TTC17: variants seen among roughly 807,000 people sequenced by gnomAD.
The protein encoded by TTC17 is tetratricopeptide repeat domain 17.
Under a neutral mutation model 143.8 loss-of-function variants are expected in TTC17, and 58 were observed. The ratio of observed to expected loss-of-function variants is 0.40; its 90% confidence interval spans 0.33 to 0.50. The LOEUF (loss-of-function observed/expected upper bound fraction) is 0.50. Ranked by LOEUF, TTC17 falls within the 20% of genes least tolerant of loss-of-function variation. The pLI is 0.49. For synonymous variants in TTC17, 501 were observed against 497.8 expected (o/e 1.01, Z -0.09); for missense variants, 1,273 against 1,392.5 (o/e 0.91, Z 1.37).
chr11:43,472,841 TA>T (rs140936007), intron 21 of TTC17, among the ~76,000 whole-genome samples: 2,276 of 114,982 alleles, frequency 0.02, 43 homozygotes, highest in African/African-American at 0.061. Flanking sequence ...GGAATTAAGC[TA>T]AAAAAAAAAA....
intron 1 of TTC17, 22 bp from the exon 2 acceptor site, chr11:43,379,211 T>G (rs750155527): frequency 6.2e-7 from 1 of 1,605,758 alleles, no homozygotes; most frequent in Admixed American, 1.7e-5. Flanking sequence ...CCGAGCTTTA[T>G]TTATTTATTG....
At chr11:43,369,978 A>G (rs1856499613) in intron 1 of TTC17, 3 of 423,920 alleles carry the variant, frequency 7.1e-6, no homozygotes, top group South Asian at 3.4e-5. Context: ...TAACAAATAT[A>G]TTTCCAAATC....
At chr11:43,384,322 T>A (rs1743857472) in intron 2 of TTC17, among the ~76,000 whole-genome samples, 1 of 152,196 alleles carries the variant, frequency 6.6e-6, no homozygotes, top group Non-Finnish European at 1.5e-5. Flanking sequence ...GGGCTATATA[T>A]GTATTTAGGA....
intron 10 of TTC17, among the ~76,000 whole-genome samples, chr11:43,403,152 G>A (rs1027243014): frequency 2.6e-5 from 4 of 152,140 alleles, no homozygotes; most frequent in Non-Finnish European, 5.9e-5. Context: ...AAGGGAAGAA[G>A]GGGGATGTTT....
intron 18 of TTC17, chr11:43,446,009 TTATGA>T (rs1203415938): frequency 2.0e-6 from 3 of 1,534,538 alleles, no homozygotes; most frequent in African/African-American, 2.7e-5. Context: ...ACAGAGCCTC[TTATGA>T]TATCCTTGTG....
At chr11:43,467,994 A>G (rs550437319) in intron 21 of TTC17, among the ~76,000 whole-genome samples, 2 of 152,286 alleles carry the variant, frequency 1.3e-5, no homozygotes, top group Admixed American at 6.5e-5. Flanking sequence ...GAAAGACATT[A>G]TTTCACAGAC....
chr11:43,454,038 A>G (rs1947715711), intron 21 of TTC17, among the ~76,000 whole-genome samples: 1 of 152,168 alleles, frequency 6.6e-6, no homozygotes, highest in African/African-American at 2.4e-5. Flanking sequence ...ACATTGTCAT[A>G]AAGTTGAAAA....
At chr11:43,370,210 A>C (rs1856509780) in intron 1 of TTC17, 9 of 386,268 alleles carry the variant, frequency 2.3e-5, no homozygotes, top group South Asian at 1.7e-4. Context: ...TGAAGAGATA[A>C]TTCCATGAGA....
At chr11:43,470,261 C>T (rs1177494147) in intron 21 of TTC17, among the ~76,000 whole-genome samples, 3 of 152,210 alleles carry the variant, frequency 2.0e-5, no homozygotes, top group Non-Finnish European at 2.9e-5. Context: ...TGAGCCCTCA[C>T]ATAGTTCGCA....
chr11:43,432,648 T>G (rs1947184350), intron 16 of TTC17, among the ~76,000 whole-genome samples: 1 of 152,210 alleles, frequency 6.6e-6, no homozygotes, highest in Non-Finnish European at 1.5e-5. Context: ...AAATAAGTCT[T>G]ATGCATAGAA....
At position 43,388,754 on chromosome 11, in the gene TTC17, G is replaced by A. The variant is rs1181190045; in HGVS notation, c.250-898G>A. On this transcript the variant is annotated intron_variant, in intron 2 of 23. Transcript: ENST00000039989. ...TCTGTGAGGCCAAGGCAGGTGGATT[G>A]CTTGCACTCAGGAGTTTGAGACCAG... 4.6e-5 allele frequency among the ~76,000 whole-genome samples: 7 copies of A among 151,366 alleles called. No homozygotes were observed. In the East Asian group the frequency reaches 1.2e-3, roughly 25 times the overall value.
At chr11:43,485,127 G>A (rs571282320) in intron 21 of TTC17, among the ~76,000 whole-genome samples, 4 of 152,102 alleles carry the variant, frequency 2.6e-5, no homozygotes, top group South Asian at 2.1e-4. Context: ...TAATGCACTC[G>A]AATCATCCCA....
chr11:43,392,002 G>T (rs1342495210), intron 5 of TTC17, 50 bp downstream of exon 5: 2 of 1,538,464 alleles, frequency 1.3e-6, no homozygotes, highest in Non-Finnish European at 1.7e-6. Context: ...AGCGGGCTCT[G>T]TGTAAACAGA....
chr11:43,401,561 C>A lies in TTC17; in HGVS notation c.1332+3C>A. On this transcript the variant is annotated splice_donor_region_variant and intron_variant, in intron 10 of 23. Coordinates refer to ENST00000039989, the MANE Select transcript of TTC17 (RefSeq NM_018259.6). ...TTGAAAATGTGGACTATGTTCAGGTCTTTTTCTTGGTCCAGTCTAATTCTT... is the reference window on the plus strand; with the variant it reads ...TTGAAAATGTGGACTATGTTCAGGTATTTTTCTTGGTCCAGTCTAATTCTT... 6.3e-7 allele frequency: 1 copy of A among 1,595,704 alleles called. No homozygotes were observed. The highest frequency in any genetic ancestry group is 8.6e-7 in the Non-Finnish European group (1 of 1,168,312).
intron 16 of TTC17, among the ~76,000 whole-genome samples, chr11:43,419,755 T>C (rs1371953692): frequency 6.6e-6 from 1 of 152,164 alleles, no homozygotes; most frequent in Non-Finnish European, 1.5e-5. Flanking sequence ...TCACAGACTC[T>C]ATCATAGCAC....
In TTC17 at chr11:43,443,447, G is replaced by C. The variant is rs1478504943; in HGVS notation, c.2374G>C (p.Gly792Arg). Residue 792 changes from glycine (G) to arginine (R), a missense_variant, in exon 17 of 24, where the codon GGG becomes CGG. Around this residue, in one of 3 missense-constraint regions of TTC17, gnomAD observed 878 missense variants for 899.8 expected, o/e 0.98. Coordinates refer to ENST00000039989, the MANE Select transcript of TTC17 (RefSeq NM_018259.6). ...FQQAWPLEGF[G>R]GALEMKGRRL... The stretch of plus-strand genomic sequence containing the variant: ...ACAGGCATGGCCTTTGGAAGGCTTT[G>C]GGGGTGCACTAGAGATGAAAGGGCG... 6.2e-7 allele frequency: 1 copy of C among 1,614,148 alleles called. No individual in the cohort carries two copies. The highest frequency in any genetic ancestry group is 8.5e-7 in the Non-Finnish European group (1 of 1,180,008).
At chr11:43,459,294 G>T (rs1001520240) in intron 21 of TTC17, among the ~76,000 whole-genome samples, 1 of 152,212 alleles carries the variant, frequency 6.6e-6, no homozygotes, top group African/African-American at 2.4e-5. Context: ...AATTCCAGGG[G>T]TAGGGAACAT....
At chr11:43,435,241 C>CT (rs1156726157) in intron 16 of TTC17, 1 of 152,172 alleles carries the variant, frequency 6.6e-6, no homozygotes, top group Non-Finnish European at 1.5e-5. Flanking sequence ...GAATTGTCCT[C>CT]TAACAGGAAA....
chr11:43,449,392 A>G (rs1947613750), intron 19 of TTC17: 1 of 152,240 alleles, frequency 6.6e-6, no homozygotes, highest in South Asian at 2.1e-4. Flanking sequence ...ACCTCCACAG[A>G]ATCCTTCACT....
Sources: gnomAD v4.1 joint callset for allele counts (sites outside exome capture counted in the v4.1 genomes callset) on GRCh38, gnomAD v4.1.1 for gene constraint, gnomAD v4.1.1 regional missense constraint, MANE v1.5 for transcripts, NCBI Gene and HGNC (gene_info 2026-07-23, HGNC 2026-07-21) for gene names.